MACF1: variants seen among roughly 807,000 people sequenced by gnomAD.
MACF1 encodes the protein microtubule actin crosslinking factor 1, also known as microtubule-actin cross-linking factor 1.
A neutral mutation model predicts 854.8 loss-of-function variants in MACF1; 193 were observed. The ratio of observed to expected loss-of-function variants is 0.23; its 90% CI spans 0.20 to 0.25. MACF1 has a LOEUF of 0.25. Among genes scored for constraint, MACF1 ranks in the 10% least tolerant of loss-of-function variants. MACF1 has a pLI of 1.00. For missense variants in MACF1, 7,722 were observed against 8,929.1 expected (o/e 0.86, Z 5.45); for synonymous variants, 3,185 against 3,226.7 (o/e 0.99, Z 0.44).
At chr1:39,263,652 T>A (rs1645190796) in intron 6 of MACF1, among the ~76,000 whole-genome samples, 1 of 152,172 alleles carries the variant, frequency 6.6e-6, no homozygotes, top group Non-Finnish European at 1.5e-5. Flanking sequence ...CATACATGCT[T>A]TTGTACATTT....
rs1646809015 is a variant in MACF1 at position 39,336,273 on chromosome 1, A to G, written c.9685A>G (p.Ile3229Val). The G allele has an allele frequency of 2.5e-6, 4 of 1,614,160 alleles. No individual in the cohort carries two copies. The highest frequency in any genetic ancestry group is 1.7e-6 in the Non-Finnish European group (2 of 1,180,010). The change falls in exon 37 of 101, where the codon ATA becomes GTA. Residue 3229 changes from isoleucine (I) to valine (V), a missense_variant. Ile to Val is a conservative substitution (Grantham distance 29). Around this residue, in one of 15 missense-constraint regions of MACF1, gnomAD observed 854 missense variants for 852.6 expected, o/e 1.00. Coordinates refer to ENST00000564288, the MANE Select transcript of MACF1 (RefSeq NM_001394062.1). Reference sequence around the variant, plus strand: ...ACTTTGTGGAACTCTCAAATCTGAAATAGCAACACAGGAACTAACTGGAGA... The same window carrying G: ...ACTTTGTGGAACTCTCAAATCTGAAGTAGCAACACAGGAACTAACTGGAGA... ...DKLCGTLKSE[I>V]ATQELTGEKF...
intron 2 of MACF1, among the ~76,000 whole-genome samples, chr1:39,155,718 G>C (rs960927227): frequency 2.6e-5 from 4 of 152,088 alleles, no homozygotes; most frequent in African/African-American, 7.2e-5. Context: ...TTAAGACTTA[G>C]TATTTTATTT....
chr1:39,244,151 C>T (rs1013633235), intron 2 of MACF1, among the ~76,000 whole-genome samples: 1 of 152,062 alleles, frequency 6.6e-6, no homozygotes, highest in Admixed American at 6.5e-5. Context: ...GTTGCTCAGG[C>T]TGGAGTGCAG....
rs1187124809 is a variant in MACF1, at chr1:39,340,789, C to G, written c.10432-15C>G. On this transcript the variant is annotated splice_polypyrimidine_tract_variant and intron_variant, in intron 39 of 100. Coordinates refer to ENST00000564288, the MANE Select transcript of MACF1 (RefSeq NM_001394062.1). The stretch of plus-strand genomic sequence containing the variant: ...TGGGAGATTTTCATAATGTGATTTT[C>G]CATTTATTTCTTAGACTAAAGTGTT... The G allele has an allele frequency of 1.2e-6, 2 of 1,611,842 alleles. No individual in the cohort carries two copies. Among genetic ancestry groups the G allele is most frequent in the South Asian group, 1.1e-5 (1 of 90,684 alleles).
chr1:39,135,332 C>T (rs371797993), intron 2 of MACF1, among the ~76,000 whole-genome samples: 26 of 152,042 alleles, frequency 1.7e-4, no homozygotes, highest in East Asian at 1.2e-3. Flanking sequence ...CTGTAATCTC[C>T]GCCTCCTGGG....
rs1187765097 is a variant in MACF1 at position 39,324,294 on chromosome 1, A to G, written c.4338A>G (p.Ser1446=). 1.9e-6 allele frequency: 3 copies of G among 1,613,972 alleles called. 1 individual carries two copies. The South Asian group carries it at 3.3e-5, about 18-fold the overall frequency. ...LARNTQGKAT[S]SETKESTDIE... ...GGAATACACAAGGAAAAGCTACCTCATCCGAGACCAAAGAATCAACAGACA... is the reference window on the plus strand; with the variant it reads ...GGAATACACAAGGAAAAGCTACCTCGTCCGAGACCAAAGAATCAACAGACA... Residue 1446 remains serine, a synonymous_variant, in exon 34 of 101, where the codon TCA becomes TCG. Transcript: ENST00000564288.
chr1:39,174,848 G>A lies in MACF1; in HGVS notation c.221-56334G>A, dbSNP rs557508954. Among the ~76,000 whole-genome samples the A allele has an allele frequency of 1.7e-4, 26 of 152,246 alleles. No individual in the cohort carries two copies. In the East Asian group the frequency reaches 3.3e-3, roughly 19 times the overall value. On this transcript the variant is annotated intron_variant, in intron 2 of 93. Transcript: ENST00000361689. ...GGGGAAACCCTCAGGGCTGGGTCTC[G>A]TCCCAGTGACTCTACTACCAGGTCT...
At chr1:39,101,949 G>C (rs1250312034) in intron 2 of MACF1, among the ~76,000 whole-genome samples, 1 of 151,774 alleles carries the variant, frequency 6.6e-6, no homozygotes, top group African/African-American at 2.4e-5. Flanking sequence ...GGCCGATGCG[G>C]GCGGATCACG....
At chr1:39,092,431 C>A in intron 2 of MACF1, among the ~76,000 whole-genome samples, 1 of 152,134 alleles carries the variant, frequency 6.6e-6, no homozygotes. Flanking sequence ...CCTCATAGAA[C>A]CCTGGGAAGT....
At chr1:39,300,055 T>G (rs1646007786) in intron 21 of MACF1, among the ~76,000 whole-genome samples, 155 bp from the exon 22 acceptor site, 2 of 152,246 alleles carry the variant, frequency 1.3e-5, no homozygotes, top group Admixed American at 6.5e-5. Flanking sequence ...TTTTTCTTTA[T>G]CATTGTCTAA....
At chr1:39,478,330 G>A (rs1644949900) in intron 97 of MACF1, among the ~76,000 whole-genome samples, 1 of 152,138 alleles carries the variant, frequency 6.6e-6, no homozygotes, top group Non-Finnish European at 1.5e-5. Context: ...GAGGCTTGAG[G>A]AGGAAGGAAA....
chr1:39,385,283 G>C (rs1292706334), intron 56 of MACF1, 151 bp from the exon 57 acceptor site: 3 of 804,802 alleles, frequency 3.7e-6, no homozygotes, highest in Non-Finnish European at 5.9e-6. Context: ...GGCCAGGCTA[G>C]TCTTGAACTC....
At chr1:39,223,624 C>T (rs1033818190) in intron 1 of MACF1, among the ~76,000 whole-genome samples, 4 of 151,846 alleles carry the variant, frequency 2.6e-5, no homozygotes, top group Non-Finnish European at 5.9e-5. Flanking sequence ...AAGTGATCCT[C>T]GTGCCTTGGC....
chr1:39,144,235 C>A (rs1401954819), intron 2 of MACF1, among the ~76,000 whole-genome samples: 1 of 151,920 alleles, frequency 6.6e-6, no homozygotes, highest in African/African-American at 2.4e-5. Context: ...TGCCTGCCAC[C>A]ACCCCCAGCT....
At chr1:39,351,581 C>CTTT (rs36123797) in intron 43 of MACF1, among the ~76,000 whole-genome samples, 353 of 85,854 alleles carry the variant, frequency 4.1e-3, no homozygotes, top group East Asian at 5.7e-3. Context: ...AAGCAAATGG[C>CTTT]TTTTTTTTTT....
At chr1:39,341,291 C>A (rs1646930786) in intron 40 of MACF1, among the ~76,000 whole-genome samples, 1 of 151,472 alleles carries the variant, frequency 6.6e-6, no homozygotes, top group African/African-American at 2.4e-5. Context: ...ACCTCGGCCT[C>A]CCAAAGTGCT....
At chr1:39,448,205 G>A in intron 83 of MACF1, 53 bp downstream of exon 83, 2 of 1,542,034 alleles carry the variant, frequency 1.3e-6, no homozygotes, top group South Asian at 1.2e-5. Flanking sequence ...GCTAAAGCTT[G>A]TATCTTGCCA....
At position 39,334,532 on chromosome 1, in the gene MACF1, A is replaced by C. The variant is rs558261424; in HGVS notation, c.7944A>C (p.Glu2648Asp). The change falls in exon 37 of 101, where the codon GAA becomes GAC. Residue 2648 changes from glutamate to aspartate, a missense_variant. Glu to Asp is a conservative substitution (Grantham distance 45). Transcript: ENST00000564288. ...TTGAATCTGGACAGAGATATCTAGAAGTAATTCCCTTCTCAGACATTAAAG... is the reference window on the plus strand; with the variant it reads ...TTGAATCTGGACAGAGATATCTAGACGTAATTCCCTTCTCAGACATTAAAG... ...IDIESGQRYLEVIPFSDIKDG... is the reference protein window; with the variant it reads ...IDIESGQRYLDVIPFSDIKDG... 3 of 1,614,142 alleles carry C rather than the reference A, an allele frequency of 1.9e-6. No individual in the cohort carries two copies. In the African/African-American group the frequency reaches 4.0e-5, roughly 22 times the overall value.
rs541159697 is a variant in MACF1 at position 39,471,818 on chromosome 1, A to C, written c.21958+2203A>C. 2.7e-5 allele frequency among the ~76,000 whole-genome samples: 4 copies of C among 147,178 alleles called. No homozygotes were observed. In the East Asian group the frequency reaches 7.9e-4, roughly 29 times the overall value. On this transcript the variant is annotated intron_variant, in intron 97 of 100. Coordinates refer to ENST00000564288, the MANE Select transcript of MACF1 (RefSeq NM_001394062.1). ...TTTAAAAGACACATTTTGAAATAGA[A>C]CTCATTTTTTTTTTCAGATTGTTAT...
Sources: gnomAD v4.1 joint callset for allele counts (sites outside exome capture counted in the v4.1 genomes callset) on GRCh38, gnomAD v4.1.1 for gene constraint, gnomAD v4.1.1 regional missense constraint, MANE v1.5 for transcripts, NCBI Gene and HGNC (gene_info 2026-07-23, HGNC 2026-07-21) for gene names.